Variants in ASAP1 observed in about 807,000 individuals in gnomAD.
The protein encoded by ASAP1 is arf-GAP with SH3 domain, ANK repeat and PH domain-containing protein 1.
A neutral mutation model predicts 145.2 loss-of-function variants in ASAP1; 43 were observed. That is an observed-to-expected ratio of 0.30 (90% CI 0.23 to 0.38). ASAP1 has a LOEUF of 0.38. ASAP1 is among the 10% of genes least tolerant of loss of function. ASAP1 has a pLI of 1.00. For synonymous variants in ASAP1, 546 were observed against 515.5 expected (o/e 1.06, Z -0.80); for missense variants, 1,018 against 1,355.3 (o/e 0.75, Z 3.91).
At chr8:130,059,654 G>A (rs2097413503) in intron 28 of ASAP1, among the ~76,000 whole-genome samples, 1 of 152,150 alleles carries the variant, frequency 6.6e-6, no homozygotes, top group African/African-American at 2.4e-5. Context: ...GAGAACTTCT[G>A]GATATAGAGT....
intron 11 of ASAP1, among the ~76,000 whole-genome samples, chr8:130,160,288 G>A (rs961197550): frequency 2.6e-5 from 4 of 152,230 alleles, no homozygotes; most frequent in Middle Eastern, 3.4e-3. Context: ...TTACACTAGC[G>A]GCAGAGGCAA....
rs1822230160 is a variant in ASAP1, at chr8:130,295,723, G to A, written c.187-58729C>T. The stretch of plus-strand genomic sequence containing the variant: ...GGACTTAATGCTGGGCTCTAACTTG[G>A]GCTGCCACTGGTTTCAGAAAGGTTC... On this transcript the variant is annotated intron_variant, in intron 3 of 29. Transcript: ENST00000518721. 2.0e-5 allele frequency among the ~76,000 whole-genome samples: 3 copies of A among 152,242 alleles called. No individual in the cohort carries two copies. The South Asian group carries it at 6.2e-4, about 32-fold the overall frequency.
intron 2 of ASAP1, among the ~76,000 whole-genome samples, chr8:130,387,324 T>G (rs958591647): frequency 9.2e-5 from 14 of 152,090 alleles, no homozygotes; most frequent in African/African-American, 3.4e-4. Context: ...TCACTTGAGA[T>G]CAGGAGTTTG....
At chr8:130,154,824 G>GT (rs1407537857) in intron 12 of ASAP1, among the ~76,000 whole-genome samples, 5 of 152,176 alleles carry the variant, frequency 3.3e-5, no homozygotes, top group Non-Finnish European at 7.4e-5. Context: ...TGCTGAGGAG[G>GT]TAATTTAACT....
At chr8:130,307,395 A>C (rs183766798) in intron 3 of ASAP1, among the ~76,000 whole-genome samples, 91 of 152,354 alleles carry the variant, frequency 6.0e-4, no homozygotes, top group African/African-American at 2.1e-3. Context: ...CTGTTAATCT[A>C]TAATATGTAC....
chr8:130,384,923 G>A (rs1159179475), intron 2 of ASAP1, among the ~76,000 whole-genome samples: 1 of 152,206 alleles, frequency 6.6e-6, no homozygotes, highest in African/African-American at 2.4e-5. Flanking sequence ...ATAATCTAGT[G>A]AGAGAGGCAG....
rs548393882 is a variant in ASAP1 at position 130,370,954 on chromosome 8, G to A, written c.60-12811C>T. Among the ~76,000 whole-genome samples the A allele has an allele frequency of 5.3e-5, 8 of 152,302 alleles. No individual in the cohort carries two copies. The East Asian group carries it at 1.2e-3, about 22-fold the overall frequency. ...GTTTCTTGTGAGGAGTGACAAAAATGTTCTGGAAATAGACAATGGTGATAG... is the reference window on the plus strand; with the variant it reads ...GTTTCTTGTGAGGAGTGACAAAAATATTCTGGAAATAGACAATGGTGATAG... On this transcript the variant is annotated intron_variant, in intron 2 of 29. Coordinates refer to ENST00000518721, the MANE Select transcript of ASAP1 (RefSeq NM_018482.4).
chr8:130,325,949 C>G (rs1824299443), intron 3 of ASAP1, among the ~76,000 whole-genome samples: 1 of 152,136 alleles, frequency 6.6e-6, no homozygotes, highest in Non-Finnish European at 1.5e-5. Flanking sequence ...TTTCTATTGT[C>G]TTCACAATGA....
chr8:130,068,864 A>G (rs189155320), intron 27 of ASAP1, among the ~76,000 whole-genome samples: 27 of 152,304 alleles, frequency 1.8e-4, no homozygotes, highest in Admixed American at 4.6e-4. Flanking sequence ...GTCATGGTAA[A>G]TGTGTGGTTA....
intron 4 of ASAP1, among the ~76,000 whole-genome samples, chr8:130,215,636 C>T (rs899633805): frequency 2.6e-5 from 4 of 151,852 alleles, no homozygotes; most frequent in Non-Finnish European, 2.9e-5. Flanking sequence ...CCCAGCTACT[C>T]GGGAGGCGGA....
chr8:130,440,261 G>A (rs1421906329), intron 1 of ASAP1, among the ~76,000 whole-genome samples: 1 of 152,070 alleles, frequency 6.6e-6, no homozygotes, highest in African/African-American at 2.4e-5. Context: ...TCTCAAAAAT[G>A]TCCATCAGGC....
chr8:130,169,920 G>C (rs546210247), intron 9 of ASAP1, among the ~76,000 whole-genome samples: 1 of 152,122 alleles, frequency 6.6e-6, no homozygotes, highest in East Asian at 1.9e-4. Flanking sequence ...TGTCTCAGGT[G>C]GCACACTTCC....
chr8:130,379,208 C>T (rs367855713), intron 2 of ASAP1, among the ~76,000 whole-genome samples: 1 of 152,178 alleles, frequency 6.6e-6, no homozygotes, highest in African/African-American at 2.4e-5. Context: ...GAAGGTGGCA[C>T]GTCCCGAGAG....
chr8:130,081,446 C>T (rs985372788), intron 25 of ASAP1, among the ~76,000 whole-genome samples: 4 of 152,198 alleles, frequency 2.6e-5, no homozygotes, highest in African/African-American at 9.7e-5. Flanking sequence ...CTTCCTATGA[C>T]TGCTCTGGAA....
At chr8:130,310,195 T>C (rs915077460) in intron 3 of ASAP1, among the ~76,000 whole-genome samples, 6 of 151,062 alleles carry the variant, frequency 4.0e-5, no homozygotes, top group Admixed American at 1.3e-4. Flanking sequence ...GATTAAATGG[T>C]AGAACAAATA....
At chr8:130,114,569 TG>T (rs1199313290) in intron 23 of ASAP1, among the ~76,000 whole-genome samples, 2 of 152,120 alleles carry the variant, frequency 1.3e-5, no homozygotes, top group East Asian at 1.9e-4. Context: ...CACAACCATT[TG>T]AGGAATGTGT....
intron 28 of ASAP1, among the ~76,000 whole-genome samples, chr8:130,058,471 A>G (rs2097409483): frequency 6.6e-6 from 1 of 152,224 alleles, no homozygotes; most frequent in Admixed American, 6.5e-5. Context: ...ACATGATGTA[A>G]AGCAAAATCT....
At chr8:130,414,084 T>TG (rs1176753625) in intron 1 of ASAP1, among the ~76,000 whole-genome samples, 1 of 152,154 alleles carries the variant, frequency 6.6e-6, no homozygotes, top group African/African-American at 2.4e-5. Flanking sequence ...AGTGGCTTCA[T>TG]GGGGGACATA....
chr8:130,137,472 C>G (rs748422556), intron 13 of ASAP1, among the ~76,000 whole-genome samples: 4 of 152,218 alleles, frequency 2.6e-5, no homozygotes, highest in Middle Eastern at 3.2e-3. Flanking sequence ...TAAGCACCAA[C>G]AGTTGGCACT....
Sources: gnomAD v4.1 joint callset for allele counts (sites outside exome capture counted in the v4.1 genomes callset) on GRCh38, gnomAD v4.1.1 for gene constraint, MANE v1.5 for transcripts, NCBI Gene and HGNC (gene_info 2026-07-23, HGNC 2026-07-21) for gene names.